Variants in FAF1 observed in about 807,000 individuals in gnomAD.
The protein encoded by FAF1 is FAS-associated factor 1.
A neutral mutation model predicts 92.5 loss-of-function variants in FAF1; 25 were observed. The ratio of observed to expected loss-of-function variants is 0.27; its 90% CI spans 0.20 to 0.38. FAF1 has a LOEUF of 0.38. Among genes scored for constraint, FAF1 ranks in the 10% least tolerant of loss-of-function variants. FAF1 has a pLI of 1.00. For missense variants in FAF1, 636 were observed against 793.3 expected, an observed-to-expected ratio of 0.80 and a Z score of 2.38; for synonymous variants, 234 against 273.2, an observed-to-expected ratio of 0.86 and a Z score of 1.42.
At chr1:50,487,715 A>G (rs1646784207) in intron 17 of FAF1, among the ~76,000 whole-genome samples, 1 of 152,216 alleles carries the variant, frequency 6.6e-6, no homozygotes, top group Non-Finnish European at 1.5e-5. Flanking sequence ...TTACTGTTCA[A>G]TACTTCTTTT....
intron 8 of FAF1, among the ~76,000 whole-genome samples, chr1:50,602,503 CTTT>C (rs1424715054): frequency 2.9e-5 from 4 of 136,648 alleles, no homozygotes; most frequent in Admixed American, 7.4e-5. Flanking sequence ...TAAAGTATTG[CTTT>C]TTTTTTTTTT....
intron 4 of FAF1, among the ~76,000 whole-genome samples, chr1:50,771,601 T>A (rs1189897640): frequency 6.6e-6 from 1 of 152,062 alleles, no homozygotes; most frequent in Non-Finnish European, 1.5e-5. Flanking sequence ...TGGCTATTAT[T>A]AAAAACAAAA....
Position 50,960,016 on chromosome 1 carries a change from C to CCCGG in FAF1, c.-209_-206dup. Reference sequence around the variant, plus strand: ...CATGCACTCGGTAACCTTCAGGCGCCCCGGCCGCCCGCCTGCAACCTGCGG... The same window carrying CCCGG: ...CATGCACTCGGTAACCTTCAGGCGCCCCGGCCGGCCGCCCGCCTGCAACCTGCGG... On this transcript the variant is annotated 5_prime_UTR_variant, in exon 1 of 19. Transcript: ENST00000396153. The CCCGG allele has an allele frequency of 1.0e-5, 4 of 395,156 alleles. No individual in the cohort carries two copies. Among genetic ancestry groups the CCCGG allele is most frequent in the Non-Finnish European group, 1.3e-5 (3 of 224,098 alleles). The allele number at this position is 395,156 out of a possible 1,614,324, so 24.5% of individuals were successfully genotyped here. A position where few individuals can be genotyped will look rare whatever the true frequency, so the allele number is the denominator to read the frequency against.
At chr1:50,565,441 T>G (rs988800058) in intron 13 of FAF1, among the ~76,000 whole-genome samples, 4 of 152,078 alleles carry the variant, frequency 2.6e-5, no homozygotes, top group African/African-American at 7.2e-5. Flanking sequence ...ACAACACCTT[T>G]ATTTAGTGTT....
intron 4 of FAF1, among the ~76,000 whole-genome samples, chr1:50,746,006 C>T (rs542483270): frequency 2.0e-4 from 30 of 151,748 alleles, no homozygotes; most frequent in African/African-American, 7.3e-4. Context: ...CTGAGGAGAG[C>T]TCAGATGGAA....
rs555796078 is a variant in FAF1, at chr1:50,909,565, T to A, written c.45+50202A>T. On this transcript the variant is annotated intron_variant, in intron 1 of 18. Coordinates refer to ENST00000396153, the MANE Select transcript of FAF1 (RefSeq NM_007051.3). ...ATAGTCCCATATTTCTTGGAGGCTT[T>A]GTTTGTTTCTTTTTGCTCTTTTTTC... Among the ~76,000 whole-genome samples, 13 of 152,322 alleles carry A rather than the reference T, an allele frequency of 8.5e-5. No homozygotes were observed. In the South Asian group the frequency reaches 2.7e-3, roughly 32 times the overall value.
chr1:50,494,048 T>G (rs1646871631), intron 15 of FAF1, among the ~76,000 whole-genome samples: 1 of 152,278 alleles, frequency 6.6e-6, no homozygotes, highest in Admixed American at 6.5e-5. Context: ...CAGCTCTCTC[T>G]GACCATCCTG....
At chr1:50,905,608 T>C (rs2124714435) in intron 1 of FAF1, among the ~76,000 whole-genome samples, 1 of 152,378 alleles carries the variant, frequency 6.6e-6, no homozygotes, top group Admixed American at 6.5e-5. Context: ...ATTGTGGTTT[T>C]AATTTGCATT....
intron 4 of FAF1, among the ~76,000 whole-genome samples, chr1:50,756,437 CA>C (rs1660076692): frequency 6.6e-6 from 1 of 152,180 alleles, no homozygotes; most frequent in Non-Finnish European, 1.5e-5. Flanking sequence ...GCATTTTGAG[CA>C]AAGCCATTCA....
intron 5 of FAF1, among the ~76,000 whole-genome samples, chr1:50,739,165 ATACC>A (rs1659263292): frequency 6.6e-6 from 1 of 151,936 alleles, no homozygotes; most frequent in Non-Finnish European, 1.5e-5. Context: ...ATATGGTTGT[ATACC>A]TATATATATT....
intron 1 of FAF1, among the ~76,000 whole-genome samples, chr1:50,925,015 G>A (rs1361758074): frequency 6.6e-6 from 1 of 152,050 alleles, no homozygotes; most frequent in Non-Finnish European, 1.5e-5. Flanking sequence ...CAGATACATA[G>A]ACCAACAGAA....
chr1:50,442,768 C>A (rs1220452347), intron 18 of FAF1, among the ~76,000 whole-genome samples: 1 of 152,164 alleles, frequency 6.6e-6, no homozygotes, highest in African/African-American at 2.4e-5. Context: ...GTATCAAAGG[C>A]AGGCTGGCAA....
chr1:50,455,325 AT>A (rs1186027139), intron 18 of FAF1, among the ~76,000 whole-genome samples: 3 of 152,270 alleles, frequency 2.0e-5, no homozygotes, highest in African/African-American at 7.2e-5. Flanking sequence ...TTTTCAATGC[AT>A]TTGAATAACC....
intron 1 of FAF1, among the ~76,000 whole-genome samples, chr1:50,885,580 G>A (rs1388488170): frequency 6.6e-6 from 1 of 151,970 alleles, no homozygotes; most frequent in Non-Finnish European, 1.5e-5. Context: ...TGTCTTTATA[G>A]GTGAAGTGTG....
chr1:50,518,856 T>C (rs371655188), intron 15 of FAF1, among the ~76,000 whole-genome samples: 1 of 152,198 alleles, frequency 6.6e-6, no homozygotes, highest in Non-Finnish European at 1.5e-5. Context: ...TGAAACTGTT[T>C]ATCAGAGTGG....
At chr1:50,649,766 C>T (rs114000679) in intron 8 of FAF1, among the ~76,000 whole-genome samples, 50 of 144,418 alleles carry the variant, frequency 3.5e-4, no homozygotes, top group African/African-American at 1.1e-3. Context: ...CTTATGAAAC[C>T]GCGTCTCTAC....
chr1:50,931,650 G>A (rs533256360), intron 1 of FAF1, among the ~76,000 whole-genome samples: 4 of 152,024 alleles, frequency 2.6e-5, no homozygotes, highest in Admixed American at 6.5e-5. Context: ...GGTGGATCAC[G>A]AGATCAGCAG....
intron 3 of FAF1, among the ~76,000 whole-genome samples, chr1:50,798,622 T>A (rs895335603): frequency 6.6e-6 from 1 of 152,236 alleles, no homozygotes; most frequent in African/African-American, 2.4e-5. Flanking sequence ...GTGTTAGCAA[T>A]ATACTGTCTC....
chr1:50,565,757 T>C (rs968758258), intron 13 of FAF1, among the ~76,000 whole-genome samples: 1 of 152,048 alleles, frequency 6.6e-6, no homozygotes. Flanking sequence ...TAGAACAAAA[T>C]AACAGCAGGT....
Sources: allele counts gnomAD v4.1 joint callset (sites outside exome capture counted in the v4.1 genomes callset), GRCh38; gene constraint gnomAD v4.1.1; transcripts MANE v1.5; gene names NCBI Gene and HGNC (gene_info 2026-07-23, HGNC 2026-07-21).